Variants in TRAPPC9 observed in about 807,000 individuals in gnomAD.
The protein encoded by TRAPPC9 is trafficking protein particle complex subunit 9.
TRAPPC9 carries 83 observed loss-of-function variants against 124.0 expected under a neutral mutation model. The ratio of observed to expected loss-of-function variants is 0.67; its 90% CI spans 0.56 to 0.80. The LOEUF is 0.80. Ranked by LOEUF, TRAPPC9 falls within the 30% of genes least tolerant of loss-of-function variation. TRAPPC9 has a pLI of 0.00. For synonymous variants in TRAPPC9, 638 were observed against 617.5 expected, an observed-to-expected ratio of 1.03 and a Z score of -0.49; for missense variants, 1,302 against 1,508.3, an observed-to-expected ratio of 0.86 and a Z score of 2.27.
intron 21 of TRAPPC9, among the ~76,000 whole-genome samples, chr8:139,849,680 T>C (rs1200721021): frequency 6.6e-6 from 1 of 152,242 alleles, no homozygotes; most frequent in Non-Finnish European, 1.5e-5. Flanking sequence ...GTGAACGTTT[T>C]CTGAGCGTGT....
At chr8:139,990,007 AG>A (rs1587428254) in intron 18 of TRAPPC9, among the ~76,000 whole-genome samples, 1 of 152,178 alleles carries the variant, frequency 6.6e-6, no homozygotes, top group Admixed American at 6.5e-5. Flanking sequence ...TTGGAAGAGC[AG>A]GGTAAACAGT....
intron 7 of TRAPPC9, among the ~76,000 whole-genome samples, chr8:140,393,936 C>G (rs947586174): frequency 1.3e-5 from 2 of 152,072 alleles, no homozygotes; most frequent in Non-Finnish European, 2.9e-5. Flanking sequence ...CACAGGGCCA[C>G]GGAACCACAT....
At chr8:140,107,778 T>C (rs1444748856) in intron 17 of TRAPPC9, among the ~76,000 whole-genome samples, 1 of 152,106 alleles carries the variant, frequency 6.6e-6, no homozygotes, top group Admixed American at 6.5e-5. Context: ...GGCTTTATTG[T>C]AAGGGAGATG....
At chr8:139,919,346 T>C (rs970506607) in intron 19 of TRAPPC9, among the ~76,000 whole-genome samples, 2 of 152,206 alleles carry the variant, frequency 1.3e-5, no homozygotes, top group Non-Finnish European at 2.9e-5. Flanking sequence ...ACTTGGCACA[T>C]AATTGGTGCT....
chr8:139,975,209 C>T (rs550015505), intron 19 of TRAPPC9, among the ~76,000 whole-genome samples: 1 of 152,336 alleles, frequency 6.6e-6, no homozygotes, highest in East Asian at 1.9e-4. Flanking sequence ...GCTCCATACA[C>T]AGGTGTGGCT....
intron 11 of TRAPPC9, among the ~76,000 whole-genome samples, chr8:140,295,052 C>T (rs2065768592): frequency 6.6e-6 from 1 of 152,204 alleles, no homozygotes; most frequent in Admixed American, 6.5e-5. Flanking sequence ...GAAACCCCCT[C>T]ATCTCAGGCC....
intron 19 of TRAPPC9, among the ~76,000 whole-genome samples, chr8:139,976,480 A>G (rs1364212864): frequency 6.6e-6 from 1 of 152,172 alleles, no homozygotes; most frequent in Non-Finnish European, 1.5e-5. Context: ...CAAATCGCAG[A>G]CTGGGAGAAG....
At chr8:139,965,440 C>G (rs897671712) in intron 19 of TRAPPC9, among the ~76,000 whole-genome samples, 1 of 152,206 alleles carries the variant, frequency 6.6e-6, no homozygotes, top group Non-Finnish European at 1.5e-5. Flanking sequence ...AGTCTGCACA[C>G]GTCCTCCTCA....
intron 17 of TRAPPC9, among the ~76,000 whole-genome samples, chr8:140,196,542 AACG>A (rs1397210975): frequency 8.0e-5 from 7 of 87,856 alleles, no homozygotes; most frequent in Non-Finnish European, 1.6e-4. Context: ...AAACACACTC[AACG>A]ATCCACCATA....
intron 3 of TRAPPC9, among the ~76,000 whole-genome samples, chr8:140,435,629 T>TA (rs769662133): frequency 6.6e-5 from 10 of 152,192 alleles, no homozygotes; most frequent in Non-Finnish European, 1.5e-4. Context: ...GCTACAGAGA[T>TA]GTATAACAGA....
In TRAPPC9 at chr8:140,441,625, G is replaced by C. The variant is rs1337047575; in HGVS notation, c.585-2428C>G. Reference sequence around the variant, plus strand: ...CACTTAAGGCTAGGACTTCGAGACGGCTGGGCAACAGAGCAAGACCATGTC... The same window carrying C: ...CACTTAAGGCTAGGACTTCGAGACGCCTGGGCAACAGAGCAAGACCATGTC... On this transcript the variant is annotated intron_variant, in intron 2 of 22. Transcript: ENST00000438773. Among the ~76,000 whole-genome samples, 4 of 151,804 alleles carry C rather than the reference G, an allele frequency of 2.6e-5. No individual in the cohort carries two copies. The East Asian group carries it at 7.8e-4, about 30-fold the overall frequency.
chr8:140,444,867 G>GAAAAAA lies in TRAPPC9; in HGVS notation c.585-5676_585-5671dup, dbSNP rs71320363. ...AACAAGAGTGAAACTCCAATCTCAG[G>GAAAAAA]AAAAAAAAAAAAAACAGGATCTGGG... On this transcript the variant is annotated intron_variant, in intron 2 of 22. Transcript: ENST00000438773. 2.1e-3 allele frequency among the ~76,000 whole-genome samples: 245 copies of GAAAAAA among 113,954 alleles called. 6 individuals carry two copies. The highest frequency in any genetic ancestry group is 8.0e-3 in the African/African-American group (235 of 29,430). 74.8% of individuals were successfully genotyped at this position (113,954 alleles called of 152,430 possible). A position where few individuals can be genotyped will look rare whatever the true frequency, so the allele number is the denominator to read the frequency against.
chr8:140,389,045 C>A (rs1434969618), intron 7 of TRAPPC9, among the ~76,000 whole-genome samples: 1 of 150,124 alleles, frequency 6.7e-6, no homozygotes, highest in African/African-American at 2.4e-5. Context: ...GCAACCTCCG[C>A]CTCCCAGGTT....
chr8:139,787,802 A>G (rs1268363005), intron 21 of TRAPPC9, among the ~76,000 whole-genome samples: 2 of 152,196 alleles, frequency 1.3e-5, no homozygotes, highest in African/African-American at 4.8e-5. Context: ...CAGACCCCAC[A>G]GGAAGACGGC....
intron 16 of TRAPPC9, among the ~76,000 whole-genome samples, chr8:140,243,246 G>C (rs1187316662): frequency 6.6e-6 from 1 of 152,228 alleles, no homozygotes; most frequent in African/African-American, 2.4e-5. Flanking sequence ...ACCTGATCCG[G>C]AACACAAGTC....
At chr8:140,106,817 A>G (rs2060675917) in intron 17 of TRAPPC9, among the ~76,000 whole-genome samples, 1 of 152,226 alleles carries the variant, frequency 6.6e-6, no homozygotes, top group African/African-American at 2.4e-5. Context: ...GCCAAGCTCC[A>G]CAGAGATACT....
chr8:140,134,420 C>T (rs1009642501), intron 17 of TRAPPC9, among the ~76,000 whole-genome samples: 12 of 152,128 alleles, frequency 7.9e-5, no homozygotes, highest in South Asian at 4.1e-4. Flanking sequence ...TGCTTGTCAC[C>T]GTGCCCAGCT....
rs748290962 is a variant in TRAPPC9 at position 140,353,833 on chromosome 8, G to C, written c.1495+6217C>G. Among the ~76,000 whole-genome samples the C allele has an allele frequency of 1.3e-5, 2 of 152,238 alleles. No individual in the cohort carries two copies. Among genetic ancestry groups the C allele is most frequent in the Non-Finnish European group, 2.9e-5 (2 of 68,044 alleles). On this transcript the variant is annotated intron_variant, in intron 9 of 22. Transcript: ENST00000438773. The surrounding 1 kb of genome is among the most constrained non-coding windows in gnomAD (Gnocchi z 4.2). ...GCATTTAAGGACCCGTAAGGTACCA[G>C]GTGCTGCTCCAGATATGCGTGACAG...
intron 18 of TRAPPC9, among the ~76,000 whole-genome samples, chr8:140,007,793 T>C (rs749439557): frequency 6.6e-6 from 1 of 152,244 alleles, no homozygotes; most frequent in Non-Finnish European, 1.5e-5. Flanking sequence ...TTTTAACATA[T>C]AATATTTAGT....
Sources: gnomAD v4.1 joint callset for allele counts (sites outside exome capture counted in the v4.1 genomes callset) on GRCh38, gnomAD v4.1.1 for gene constraint, Gnocchi (gnomAD v3.1) non-coding constraint, MANE v1.5 for transcripts, NCBI Gene and HGNC (gene_info 2026-07-23, HGNC 2026-07-21) for gene names.